CFAP47: variants seen among roughly 807,000 people sequenced by gnomAD.
The protein encoded by CFAP47 is cilia and flagella associated protein 47.
In CFAP47, 29 loss-of-function variants were observed where a neutral mutation model predicts 148.1. That is an observed-to-expected ratio of 0.20 (90% CI 0.15 to 0.27). The LOEUF (loss-of-function observed/expected upper bound fraction) is 0.27, where lower values mean the gene tolerates loss of function less well. Among genes scored for constraint, CFAP47 ranks in the 10% least tolerant of loss-of-function variants. The pLI, the probability that CFAP47 is intolerant of heterozygous loss-of-function variation, is 1.00. For synonymous variants in CFAP47, 664 were observed against 577.3 expected (o/e 1.15, Z -2.15); for missense variants, 1,872 against 1,697.5 (o/e 1.10, Z -1.81).
At position 36,205,015 on chromosome X, in the gene CFAP47, C is replaced by T; in HGVS notation, c.6722C>T (p.Thr2241Ile). 1 of 295,513 alleles carries T rather than the reference C, an allele frequency of 3.4e-6. No individual in the cohort carries two copies. The highest frequency in any genetic ancestry group is 5.9e-6 in the Non-Finnish European group (1 of 169,745). The allele number at this position is 295,513 out of a possible 1,213,427, so 24.4% of individuals were successfully genotyped here. Residue 2241 changes from threonine (T) to isoleucine (I), a missense_variant, in exon 45 of 64, where the codon ACA (threonine) becomes ATA (isoleucine). Coordinates refer to ENST00000378653, the MANE Select transcript of CFAP47 (RefSeq NM_001304548.2). ...LRKPKTVSYT[T>I]EVSLPKYFYI... ...AAGCCTAAGACCGTTTCATACACAA[C>T]AGAAGTGAGCCTTCCAAAGTATTTT... is the stretch of plus-strand genomic sequence containing the variant.
intron 35 of CFAP47, chrX:36,144,592 A>T (rs1273712904): frequency 2.9e-6 from 3 of 1,025,794 alleles, no homozygotes; most frequent in Non-Finnish European, 3.9e-6. Context: ...AAGGAGATGG[A>T]TGCAGGAGTC....
chrX:36,074,631 A>G (rs1439700801), intron 29 of CFAP47, among the ~76,000 whole-genome samples: 1 of 111,632 alleles, frequency 9.0e-6, no homozygotes, highest in Non-Finnish European at 1.9e-5. Context: ...AATTGCAATC[A>G]TATATAATTA....
intron 60 of CFAP47, among the ~76,000 whole-genome samples, chrX:36,357,866 C>T (rs955807073): frequency 1.8e-5 from 2 of 111,492 alleles, no homozygotes. Flanking sequence ...CCCAATTGTT[C>T]TATAGCTCAA....
chrX:36,042,599 T>G (rs1251326067), intron 25 of CFAP47, among the ~76,000 whole-genome samples: 1 of 110,839 alleles, frequency 9.0e-6, no homozygotes, highest in Non-Finnish European at 1.9e-5. Flanking sequence ...GATAAAGATA[T>G]GAATGAGCTG....
intron 21 of CFAP47, among the ~76,000 whole-genome samples, chrX:36,006,494 A>T (rs1290895443): frequency 1.8e-5 from 2 of 111,820 alleles, no homozygotes; most frequent in Non-Finnish European, 3.8e-5. Context: ...GTCATTTCAA[A>T]TGTCCTCCAC....
intron 42 of CFAP47, among the ~76,000 whole-genome samples, chrX:36,191,510 A>T (rs1939865147): frequency 8.9e-6 from 1 of 112,039 alleles, no homozygotes; most frequent in African/African-American, 3.2e-5. Flanking sequence ...TACTGCTATC[A>T]ATTGAGAAAC....
chrX:36,111,821 C>T (rs1938560045), intron 33 of CFAP47, among the ~76,000 whole-genome samples: 1 of 111,547 alleles, frequency 9.0e-6, no homozygotes, highest in Non-Finnish European at 1.9e-5. Context: ...TCAATATCTT[C>T]CTAGGTCAGT....
intron 30 of CFAP47, among the ~76,000 whole-genome samples, chrX:36,088,428 T>C (rs1448578087): frequency 9.0e-6 from 1 of 111,375 alleles, no homozygotes; most frequent in Non-Finnish European, 1.9e-5. Flanking sequence ...AAGGATGTTA[T>C]TAAGGTTAAA....
At chrX:35,944,989 G>A (rs1302786147) in intron 3 of CFAP47, among the ~76,000 whole-genome samples, 1 of 111,887 alleles carries the variant, frequency 8.9e-6, no homozygotes, top group Non-Finnish European at 1.9e-5. Context: ...ACAATTCAAA[G>A]CCCTTTGGCT....
At chrX:35,920,842 C>T (rs1935566353) in intron 1 of CFAP47, among the ~76,000 whole-genome samples, 1 of 111,327 alleles carries the variant, frequency 9.0e-6, no homozygotes, top group Non-Finnish European at 1.9e-5. Context: ...GTGTTGAATA[C>T]AGCTGGACTA....
intron 21 of CFAP47, among the ~76,000 whole-genome samples, chrX:36,012,802 G>T (rs1937054236): frequency 9.0e-6 from 1 of 111,001 alleles, no homozygotes; most frequent in Non-Finnish European, 1.9e-5. Context: ...TGCACATTCT[G>T]CACATGTATC....
chrX:36,081,712 A>C (rs1394062585), intron 29 of CFAP47, among the ~76,000 whole-genome samples: 1 of 111,643 alleles, frequency 9.0e-6, no homozygotes, highest in Non-Finnish European at 1.9e-5. Context: ...TCAATGATTC[A>C]CCGCATGTAA....
chrX:36,006,284 G>T (rs987479858), intron 21 of CFAP47, among the ~76,000 whole-genome samples: 2 of 111,021 alleles, frequency 1.8e-5, no homozygotes, highest in African/African-American at 6.5e-5. Flanking sequence ...TTAAATTTCT[G>T]TGAAGTGCCA....
intron 39 of CFAP47, among the ~76,000 whole-genome samples, chrX:36,163,165 G>A (rs1462827350): frequency 1.8e-5 from 2 of 111,893 alleles, no homozygotes; most frequent in East Asian, 5.6e-4. Flanking sequence ...TTTCTTCTAA[G>A]TTATCTAATT....
chrX:36,201,627 G>C (rs1336839232), intron 44 of CFAP47, 127 bp downstream of exon 44: 2 of 280,913 alleles, frequency 7.1e-6, no homozygotes, highest in Non-Finnish European at 1.2e-5. Flanking sequence ...AAAGTAATGA[G>C]TACCGAAGGA....
chrX:36,138,377 A>G lies in CFAP47; in HGVS notation c.5448A>G (p.Thr1816=). The part of the protein sequence containing the change: ...LIESHFINMY[T]RPKSPEEYLH... ...AGTCTCATTTTATAAATATGTACAC[A>G]CGACCAAAAAGTCCTGAAGAGTATC... The change falls in exon 35 of 64, where the codon ACA becomes ACG. Residue 1816 remains threonine, a synonymous_variant. Coordinates refer to ENST00000378653, the MANE Select transcript of CFAP47 (RefSeq NM_001304548.2). 1 of 1,155,831 alleles carries G rather than the reference A, an allele frequency of 8.7e-7. No individual in the cohort carries two copies. The highest frequency in any genetic ancestry group is 1.1e-6 in the Non-Finnish European group (1 of 872,688).
chrX:36,026,357 A>G (rs1329387038), intron 22 of CFAP47, among the ~76,000 whole-genome samples: 1 of 111,868 alleles, frequency 8.9e-6, no homozygotes, highest in East Asian at 2.8e-4. Context: ...ACATATACAT[A>G]GTGAAATGAT....
At chrX:35,940,355 C>A (rs746547438) in intron 2 of CFAP47, among the ~76,000 whole-genome samples, 337 of 110,915 alleles carry the variant, frequency 3.0e-3, no homozygotes, top group Non-Finnish European at 5.3e-3. Context: ...GTGTTTTAGA[C>A]ATGAAGTCCT....
intron 26 of CFAP47, among the ~76,000 whole-genome samples, chrX:36,049,500 A>T (rs1243126659): frequency 3.8e-5 from 4 of 106,606 alleles, no homozygotes; most frequent in African/African-American, 1.3e-4. Context: ...ACACACACAC[A>T]CACACACACA....
Sources: gnomAD v4.1 joint callset for allele counts (sites outside exome capture counted in the v4.1 genomes callset) on GRCh38, gnomAD v4.1.1 for gene constraint, MANE v1.5 for transcripts, NCBI Gene and HGNC (gene_info 2026-07-23, HGNC 2026-07-21) for gene names.